Variants in SCAI observed in about 807,000 individuals in gnomAD.
SCAI encodes the protein protein SCAI.
SCAI carries 24 observed loss-of-function variants against 92.2 expected under a neutral mutation model. That is an observed-to-expected ratio of 0.26 (90% CI 0.19 to 0.37). The LOEUF is 0.37. SCAI is among the 10% of genes least tolerant of loss of function. SCAI has a pLI of 1.00. For missense variants in SCAI, 450 were observed against 736.2 expected (o/e 0.61, Z 4.50); for synonymous variants, 261 against 258.6 (o/e 1.01, Z -0.09).
At chr9:125,138,133 T>G (rs2131274651) in intron 2 of SCAI, among the ~76,000 whole-genome samples, 1 of 152,206 alleles carries the variant, frequency 6.6e-6, no homozygotes, top group East Asian at 1.9e-4. Context: ...TGAAAAGAAG[T>G]GGGAAATAAA....
chr9:125,100,234 G>T (rs1291178143), intron 2 of SCAI, among the ~76,000 whole-genome samples: 1 of 152,202 alleles, frequency 6.6e-6, no homozygotes, highest in Non-Finnish European at 1.5e-5. Flanking sequence ...CAACATATAT[G>T]TCAGAAGTGG....
intron 17 of SCAI, among the ~76,000 whole-genome samples, chr9:124,964,666 G>A (rs923270959): frequency 1.3e-5 from 2 of 152,202 alleles, no homozygotes; most frequent in Non-Finnish European, 2.9e-5. Flanking sequence ...GATACCTTCA[G>A]TATAGAATTA....
intron 2 of SCAI, among the ~76,000 whole-genome samples, chr9:125,121,518 G>T (rs977826460): frequency 2.0e-5 from 3 of 151,870 alleles, no homozygotes; most frequent in African/African-American, 7.3e-5. Flanking sequence ...TTAATCTAGT[G>T]GTTTCCAACA....
chr9:125,073,971 G>T (rs906645326), intron 2 of SCAI, among the ~76,000 whole-genome samples: 1 of 148,704 alleles, frequency 6.7e-6, no homozygotes, highest in Admixed American at 6.7e-5. Flanking sequence ...ACATAGAGTT[G>T]CCAGGCGCGG....
intron 3 of SCAI, among the ~76,000 whole-genome samples, chr9:125,037,177 G>A (rs1232035945): frequency 5.9e-5 from 9 of 152,026 alleles, no homozygotes; most frequent in African/African-American, 1.9e-4. Context: ...GCTGAGGCAG[G>A]AGAATTGCTT....
At chr9:125,065,926 C>G in intron 2 of SCAI, 1 of 726,216 alleles carries the variant, frequency 1.4e-6, no homozygotes, top group South Asian at 1.6e-5. Flanking sequence ...AAACTAGGAA[C>G]AGAAAGGGAG....
At chr9:125,059,304 G>C (rs1833729354) in intron 2 of SCAI, among the ~76,000 whole-genome samples, 1 of 152,142 alleles carries the variant, frequency 6.6e-6, no homozygotes. Flanking sequence ...AAAATGTCAA[G>C]TACTTTCCTT....
At chr9:125,078,509 T>A (rs1238247390) in intron 2 of SCAI, among the ~76,000 whole-genome samples, 2 of 152,074 alleles carry the variant, frequency 1.3e-5, no homozygotes, top group African/African-American at 4.8e-5. Context: ...GCTTGGGCGA[T>A]AAGAGTGAAA....
rs1831122471 is a variant in SCAI at position 124,944,957 on chromosome 9, A to G, written c.*7850T>C. On this transcript the variant is annotated 3_prime_UTR_variant, in exon 18 of 18. Coordinates refer to ENST00000336505, the MANE Select transcript of SCAI (RefSeq NM_001144877.3). ...AAGGCTAGCCATAATTCCCTATTTC[A>G]TTCTGAAAGTGATATCCTATTAGCT... 1 of 152,194 alleles carries G rather than the reference A, an allele frequency of 6.6e-6. No individual in the cohort carries two copies. Among genetic ancestry groups the G allele is most frequent in the Non-Finnish European group, 1.5e-5 (1 of 68,024 alleles). 9.4% of individuals were successfully genotyped at this position (152,194 alleles called of 1,614,324 possible). A position where few individuals can be genotyped will look rare whatever the true frequency, so the allele number is the denominator to read the frequency against.
chr9:125,037,744 G>A lies in SCAI; in HGVS notation c.231-8005C>T, dbSNP rs182601204. 1.4e-3 allele frequency among the ~76,000 whole-genome samples: 216 copies of A among 151,926 alleles called. 3 individuals carry two copies. In the East Asian group the frequency reaches 0.033, roughly 23 times the overall value. On this transcript the variant is annotated intron_variant, in intron 3 of 17. Coordinates refer to ENST00000336505, the MANE Select transcript of SCAI (RefSeq NM_001144877.3). ...AGCCTGACCAACATGGTGAAAACCC[G>A]TCTCTACTAAACATACAAAATATTA...
intron 6 of SCAI, among the ~76,000 whole-genome samples, chr9:125,024,281 T>TC (rs1320483126): frequency 1.3e-5 from 2 of 150,666 alleles, no homozygotes; most frequent in East Asian, 4.0e-4. Context: ...TATGAAGTTT[T>TC]TTTTTTTTTT....
chr9:125,025,581 A>C (rs185939259), intron 6 of SCAI, among the ~76,000 whole-genome samples: 1 of 152,314 alleles, frequency 6.6e-6, no homozygotes, highest in East Asian at 1.9e-4. Flanking sequence ...TAAAAATTAG[A>C]GTTGGAGGAA....
At position 125,020,773 on chromosome 9, in the gene SCAI, T is replaced by C. The variant is rs1832855783; in HGVS notation, c.513-4A>G. The C allele has an allele frequency of 1.5e-6, 2 of 1,324,276 alleles. No individual in the cohort carries two copies. The highest frequency in any genetic ancestry group is 2.1e-6 in the Non-Finnish European group (2 of 956,250). 82.0% of individuals were successfully genotyped at this position (1,324,276 alleles called of 1,614,324 possible). Reference sequence around the variant, plus strand: ...CTTCTTAACTACCAATTCAGGTCTATGGAAGATAAATGAAAAATTACTCAT... The same window carrying C: ...CTTCTTAACTACCAATTCAGGTCTACGGAAGATAAATGAAAAATTACTCAT... On this transcript the variant is annotated splice_polypyrimidine_tract_variant and splice_region_variant and intron_variant, in intron 6 of 17. Transcript: ENST00000336505.
chr9:125,041,600 G>T (rs1018637361), intron 3 of SCAI, among the ~76,000 whole-genome samples: 3 of 152,116 alleles, frequency 2.0e-5, no homozygotes, highest in Non-Finnish European at 4.4e-5. Flanking sequence ...TTTATTTCAG[G>T]TGTCAAGTAA....
At chr9:125,043,842 T>C (rs1833380643) in intron 3 of SCAI, among the ~76,000 whole-genome samples, 1 of 152,032 alleles carries the variant, frequency 6.6e-6, no homozygotes, top group African/African-American at 2.4e-5. Flanking sequence ...GGCTGCATGC[T>C]CCACAGAATG....
intron 3 of SCAI, among the ~76,000 whole-genome samples, chr9:125,051,148 G>C (rs181851987): frequency 6.6e-6 from 1 of 151,934 alleles, no homozygotes; most frequent in Non-Finnish European, 1.5e-5. Flanking sequence ...TCAGCCTCCC[G>C]AGTAGCTGAG....
chr9:125,073,092 ATTTTTTTTTT>A (rs764858681), intron 2 of SCAI, among the ~76,000 whole-genome samples: 13 of 72,448 alleles, frequency 1.8e-4, no homozygotes, highest in South Asian at 5.0e-4. Flanking sequence ...TCTATTTTTA[ATTTTTTTTTT>A]TTTTTTTTTT....
chr9:125,021,035 T>A (rs1832860340), intron 6 of SCAI, among the ~76,000 whole-genome samples: 1 of 152,134 alleles, frequency 6.6e-6, no homozygotes, highest in East Asian at 1.9e-4. Flanking sequence ...TGTAAAAAAC[T>A]AGAGATATTC....
chr9:124,956,417 C>T (rs1831315870), intron 17 of SCAI, among the ~76,000 whole-genome samples: 1 of 151,994 alleles, frequency 6.6e-6, no homozygotes, highest in Non-Finnish European at 1.5e-5. Flanking sequence ...CAGGGTTTCT[C>T]CATGTTGGTC....
Sources: gnomAD v4.1 joint callset for allele counts (sites outside exome capture counted in the v4.1 genomes callset) on GRCh38, gnomAD v4.1.1 for gene constraint, MANE v1.5 for transcripts, NCBI Gene and HGNC (gene_info 2026-07-23, HGNC 2026-07-21) for gene names.